The following MED13L variants were observed in gnomAD, a reference collection of about 807,000 sequenced individuals.
MED13L encodes the protein mediator complex subunit 13L, also known as mediator of RNA polymerase II transcription subunit 13-like.
MED13L carries 7 observed loss-of-function variants against 220.9 expected under a neutral mutation model. That is an observed-to-expected ratio of 0.03 (90% CI 0.02 to 0.06). The LOEUF (loss-of-function observed/expected upper bound fraction) is 0.06, where lower values mean the gene tolerates loss of function less well. Among genes scored for constraint, MED13L ranks in the 10% least tolerant of loss-of-function variants. MED13L has a pLI of 1.00. For missense variants in MED13L, 1,965 were observed against 2,760.5 expected, an observed-to-expected ratio of 0.71 and a Z score of 6.46; for synonymous variants, 1,011 against 1,015.2, an observed-to-expected ratio of 1.00 and a Z score of 0.08.
At chr12:116,236,278 AG>A (rs1870069268) in intron 2 of MED13L, among the ~76,000 whole-genome samples, 1 of 152,190 alleles carries the variant, frequency 6.6e-6, no homozygotes, top group Non-Finnish European at 1.5e-5. Context: ...ATCAGGATAA[AG>A]GTTTGAGCTG....
At chr12:116,251,059 A>G (rs1373932216) in intron 1 of MED13L, among the ~76,000 whole-genome samples, 1 of 151,604 alleles carries the variant, frequency 6.6e-6, no homozygotes, top group Non-Finnish European at 1.5e-5. Context: ...GGAAAGAGGT[A>G]TATCTAATAA....
chr12:116,209,772 T>A (rs924612621), intron 2 of MED13L, among the ~76,000 whole-genome samples: 1 of 152,164 alleles, frequency 6.6e-6, no homozygotes, highest in Non-Finnish European at 1.5e-5. Flanking sequence ...AAGATGACAC[T>A]TTCTCAAATG....
chr12:116,108,129 A>G (rs1873751420), intron 3 of MED13L, among the ~76,000 whole-genome samples: 1 of 151,944 alleles, frequency 6.6e-6, no homozygotes, highest in African/African-American at 2.4e-5. Context: ...AAAACCCCTC[A>G]GTTCTAGCTT....
intron 4 of MED13L, among the ~76,000 whole-genome samples, chr12:116,035,662 C>T (rs1191583492): frequency 2.0e-5 from 3 of 152,068 alleles, no homozygotes; most frequent in African/African-American, 4.8e-5. Flanking sequence ...GCGATCATGA[C>T]TCACTGCAGC....
intron 2 of MED13L, among the ~76,000 whole-genome samples, chr12:116,235,625 TAA>T (rs1253226338): frequency 3.3e-5 from 5 of 152,166 alleles, no homozygotes; most frequent in Admixed American, 6.5e-5. Context: ...AAAAAATACT[TAA>T]GATATTAATT....
In MED13L at chr12:116,008,876, T is replaced by C; in HGVS notation, c.1537A>G (p.Ile513Val). The C allele has an allele frequency of 5.0e-6, 8 of 1,614,134 alleles. No individual in the cohort carries two copies. The highest frequency in any genetic ancestry group is 6.8e-6 in the Non-Finnish European group (8 of 1,180,006). The stretch of plus-strand genomic sequence containing the variant: ...CTAGACACCTCTAAGGAGGAGTCTA[T>C]CCCTGCCAACCCTAGTTTCTGTCCT... Reference protein sequence around the residue: ...TPGQKLGLAGIDSSLEVSSSR... With the variant: ...TPGQKLGLAGVDSSLEVSSSR... Residue 513 changes from isoleucine to valine, a missense_variant, in exon 10 of 31, where the codon ATA becomes GTA. Ile to Val is a conservative substitution (Grantham distance 29, BLOSUM62 3). Transcript: ENST00000281928.
At chr12:116,009,200 C>T (rs1347183736) in intron 9 of MED13L, 68 bp from the exon 10 acceptor site, 123 of 1,551,996 alleles carry the variant, frequency 7.9e-5, no homozygotes, top group Non-Finnish European at 9.8e-5. Flanking sequence ...AAAATTTTGC[C>T]TTTTAAAGCA....
chr12:116,143,791 C>T (rs887359981), intron 2 of MED13L, among the ~76,000 whole-genome samples: 1 of 152,116 alleles, frequency 6.6e-6, no homozygotes, highest in Non-Finnish European at 1.5e-5. Flanking sequence ...AAGGATGGAC[C>T]TCACTAGGTT....
At position 116,277,192 on chromosome 12, in the gene MED13L, G is replaced by T; in HGVS notation, c.-61C>A. 8.2e-7 allele frequency: 1 copy of T among 1,213,166 alleles called. No homozygotes were observed. Among genetic ancestry groups the T allele is most frequent in the Non-Finnish European group, 1.1e-6 (1 of 933,348 alleles). 75.2% of individuals were successfully genotyped at this position (1,213,166 alleles called of 1,614,324 possible). On this transcript the variant is annotated 5_prime_UTR_variant, in exon 1 of 31. Transcript: ENST00000281928. Reference sequence around the variant, plus strand: ...GTCGGAGCGAGGCGTCCGAGGCGAGGCCGGGCCGGGCGGCGGCGCCTCGCC... The same window carrying T: ...GTCGGAGCGAGGCGTCCGAGGCGAGTCCGGGCCGGGCGGCGGCGCCTCGCC...
At chr12:116,134,281 T>C (rs889534056) in intron 2 of MED13L, among the ~76,000 whole-genome samples, 4 of 152,190 alleles carry the variant, frequency 2.6e-5, no homozygotes, top group African/African-American at 9.7e-5. Flanking sequence ...AGAAGCAGTA[T>C]ACTGAGAGAC....
chr12:116,210,908 ACT>A (rs905944087), intron 2 of MED13L, among the ~76,000 whole-genome samples: 2 of 152,128 alleles, frequency 1.3e-5, no homozygotes, highest in African/African-American at 4.8e-5. Flanking sequence ...ACTGAAAAGC[ACT>A]CTCATGGTTT....
At chr12:116,126,746 T>G (rs1336880033) in intron 2 of MED13L, among the ~76,000 whole-genome samples, 1 of 152,232 alleles carries the variant, frequency 6.6e-6, no homozygotes, top group Non-Finnish European at 1.5e-5. Flanking sequence ...TATCTTTACT[T>G]TCTTTGAGAT....
In MED13L at chr12:116,019,247, G is replaced by A. The variant is rs769022047; in HGVS notation, c.986C>T (p.Thr329Ile). 6.2e-7 allele frequency: 1 copy of A among 1,613,824 alleles called. No individual in the cohort carries two copies. Among genetic ancestry groups the A allele is most frequent in the East Asian group, 2.2e-5 (1 of 44,830 alleles). ...SNCGMPLTPPTSPEQAILGES... is the reference protein window; with the variant it reads ...SNCGMPLTPPISPEQAILGES... The stretch of plus-strand genomic sequence containing the variant: ...ACCTAGGATAGCCTGTTCTGGAGAG[G>A]TGGGAGGGGTCAGAGGCATCCCACA... The change falls in exon 7 of 31, where the codon ACC (threonine) becomes ATC (isoleucine). Residue 329 changes from threonine (T) to isoleucine (I), a missense_variant. By Grantham distance (89) the Thr-to-Ile change is moderately conservative (BLOSUM62 -1). Transcript: ENST00000281928.
At chr12:116,035,780 G>A (rs948027692) in intron 4 of MED13L, among the ~76,000 whole-genome samples, 3 of 151,828 alleles carry the variant, frequency 2.0e-5, no homozygotes, top group South Asian at 2.1e-4. Flanking sequence ...TGGTAGAGAC[G>A]GGGTTTTGCT....
chr12:116,020,530 A>C (rs1372647122), intron 5 of MED13L, among the ~76,000 whole-genome samples: 1 of 152,234 alleles, frequency 6.6e-6, no homozygotes, highest in African/African-American at 2.4e-5. Flanking sequence ...GAAATTTCTA[A>C]CAGTGGGAAA....
At chr12:116,182,492 A>ACT (rs998314752) in intron 2 of MED13L, among the ~76,000 whole-genome samples, 1 of 151,514 alleles carries the variant, frequency 6.6e-6, no homozygotes, top group South Asian at 2.1e-4. Flanking sequence ...TGTACTCCAT[A>ACT]CTCTCTCTTT....
At chr12:116,082,587 A>C (rs1424049588) in intron 4 of MED13L, 1 of 152,200 alleles carries the variant, frequency 6.6e-6, no homozygotes, top group Non-Finnish European at 1.5e-5. Flanking sequence ...CTTCAGAAGC[A>C]TATACACAAA....
intron 25 of MED13L, 107 bp from the exon 26 acceptor site, chr12:115,972,343 C>G (rs1876644642): frequency 7.4e-7 from 1 of 1,360,404 alleles, no homozygotes; most frequent in Admixed American, 1.8e-5. Context: ...AAGGTTGGGC[C>G]CTAAAGGGAA....
At chr12:116,082,336 C>G (rs959305335) in intron 4 of MED13L, among the ~76,000 whole-genome samples, 4 of 152,132 alleles carry the variant, frequency 2.6e-5, no homozygotes, top group African/African-American at 9.7e-5. Context: ...AAGTAAAAAG[C>G]AAATGAGTAA....
Sources: gnomAD v4.1 joint callset for allele counts (sites outside exome capture counted in the v4.1 genomes callset) on GRCh38, gnomAD v4.1.1 for gene constraint, MANE v1.5 for transcripts, NCBI Gene and HGNC (gene_info 2026-07-23, HGNC 2026-07-21) for gene names.